Variants in POC1A observed in about 807,000 individuals in gnomAD.
POC1A encodes POC1 centriolar protein homolog A.
POC1A carries 34 observed loss-of-function variants against 47.8 expected under a neutral mutation model. The ratio of observed to expected loss-of-function variants is 0.71; its 90% confidence interval spans 0.54 to 0.95. POC1A has a LOEUF of 0.95. POC1A is among the 40% of genes least tolerant of loss of function. POC1A has a pLI of 0.00. For synonymous variants in POC1A, 177 were observed against 207.6 expected (o/e 0.85, Z 1.27); for missense variants, 466 against 528.3 (o/e 0.88, Z 1.16).
intron 9 of POC1A, among the ~76,000 whole-genome samples, chr3:52,106,730 C>T (rs970820545): frequency 6.6e-6 from 1 of 152,174 alleles, no homozygotes; most frequent in African/African-American, 2.4e-5. Flanking sequence ...GCTCGCAGGC[C>T]TTGGGCATGT....
chr3:52,147,064 C>T lies in POC1A; in HGVS notation c.487G>A (p.Ala163Thr), dbSNP rs1237233163. 1 of 1,614,010 alleles carries T rather than the reference C, an allele frequency of 6.2e-7. No homozygotes were observed. Among genetic ancestry groups the T allele is most frequent in the East Asian group, 2.2e-5 (1 of 44,894 alleles). Residue 163 changes from alanine (A) to threonine (T), a missense_variant, in exon 5 of 11, where the codon GCC (alanine) becomes ACC (threonine). By Grantham distance (58) the Ala-to-Thr change is moderately conservative. Coordinates refer to ENST00000296484, the MANE Select transcript of POC1A (RefSeq NM_015426.5). ...FSPDGRLIVS[A>T]SDDKTVKLWD... ...AGCTTAACAGTCTTGTCATCACTGG[C>T]AGACACGATGAGCCGCCCGTCGGGG...
chr3:52,110,457 C>T (rs966353777), intron 9 of POC1A, among the ~76,000 whole-genome samples: 55 of 152,188 alleles, frequency 3.6e-4, no homozygotes, highest in African/African-American at 1.3e-3. Flanking sequence ...CTACCTGTGG[C>T]TCATTTATTT....
intron 9 of POC1A, among the ~76,000 whole-genome samples, chr3:52,102,197 T>C (rs1703028283): frequency 1.3e-5 from 2 of 152,224 alleles, no homozygotes; most frequent in South Asian, 4.1e-4. Flanking sequence ...TTCTTGGCCA[T>C]TATCTTTTCA....
chr3:52,092,804 C>A (rs1045610780), intron 10 of POC1A, among the ~76,000 whole-genome samples: 4 of 152,208 alleles, frequency 2.6e-5, no homozygotes, highest in Non-Finnish European at 5.9e-5. Context: ...AAAACACCAA[C>A]CCCATTTCTG....
intron 1 of POC1A, among the ~76,000 whole-genome samples, chr3:52,152,738 C>T (rs1257857554): frequency 1.3e-5 from 2 of 152,154 alleles, no homozygotes; most frequent in Non-Finnish European, 2.9e-5. Context: ...TCCTTAATAG[C>T]CAACAAGTGA....
At chr3:52,147,730 C>T (rs1229985681) in intron 4 of POC1A, among the ~76,000 whole-genome samples, 1 of 152,192 alleles carries the variant, frequency 6.6e-6, no homozygotes, top group East Asian at 1.9e-4. Context: ...AGACATGCAC[C>T]TTCAAGCTCG....
intron 7 of POC1A, among the ~76,000 whole-genome samples, chr3:52,132,947 G>A (rs1704288255): frequency 6.6e-6 from 1 of 152,062 alleles, no homozygotes; most frequent in South Asian, 2.1e-4. Context: ...TCGGGAGGCT[G>A]AGGTGGGAGG....
intron 8 of POC1A, among the ~76,000 whole-genome samples, chr3:52,123,962 G>A (rs547428898): frequency 5.3e-5 from 8 of 152,348 alleles, no homozygotes; most frequent in Non-Finnish European, 8.8e-5. Flanking sequence ...GTCTGCTAGA[G>A]CAGGACTGGT....
chr3:52,150,085 A>C (rs1577929477), intron 2 of POC1A, 98 bp from the exon 3 acceptor site: 3 of 955,124 alleles, frequency 3.1e-6, no homozygotes, highest in Non-Finnish European at 4.7e-6. Flanking sequence ...GCCCAGCTCC[A>C]TCTTCCCTGG....
chr3:52,105,339 A>T (rs1024872814), intron 9 of POC1A, among the ~76,000 whole-genome samples: 19 of 152,272 alleles, frequency 1.2e-4, no homozygotes, highest in African/African-American at 4.6e-4. Context: ...TTCACTGTAC[A>T]GCCTGCTAAC....
At chr3:52,134,369 G>A (rs1340627530) in intron 7 of POC1A, among the ~76,000 whole-genome samples, 6 of 152,188 alleles carry the variant, frequency 3.9e-5, no homozygotes, top group South Asian at 2.1e-4. Context: ...CAGTGGCTCA[G>A]GCCTCTAATT....
rs568773325 is a variant in POC1A, at chr3:52,115,023, C to T, written c.981+7356G>A. ...CAGAGATGCCCTGAGCCCAAGGGCA[C>T]GGGCAGCTTGAGGCGTCGGGGGTTT... On this transcript the variant is annotated intron_variant, in intron 9 of 10. Transcript: ENST00000296484. Among the ~76,000 whole-genome samples, 6 of 152,312 alleles carry T rather than the reference C, an allele frequency of 3.9e-5. No homozygotes were observed. The East Asian group carries it at 5.8e-4, about 15-fold the overall frequency.
At chr3:52,076,957 GAT>G (rs1702133639) in intron 10 of POC1A, among the ~76,000 whole-genome samples, 1 of 152,290 alleles carries the variant, frequency 6.6e-6, no homozygotes, top group East Asian at 1.9e-4. Flanking sequence ...TCTGGCTTTG[GAT>G]AGAGTGTCAG....
chr3:52,093,917 T>G (rs914431768), intron 10 of POC1A, among the ~76,000 whole-genome samples: 21 of 152,254 alleles, frequency 1.4e-4, no homozygotes, highest in African/African-American at 4.8e-4. Context: ...TGAAATAGGG[T>G]GTCCTACCCA....
At chr3:52,143,643 T>A (rs1698270427) in intron 6 of POC1A, among the ~76,000 whole-genome samples, 1 of 152,144 alleles carries the variant, frequency 6.6e-6, no homozygotes, top group Admixed American at 6.5e-5. Flanking sequence ...GGTCAGCTTC[T>A]CTGCTTCTAC....
chr3:52,145,181 G>T (rs566432961), intron 6 of POC1A, among the ~76,000 whole-genome samples: 3 of 152,280 alleles, frequency 2.0e-5, no homozygotes, highest in African/African-American at 7.2e-5. Context: ...TCTCAGGCCA[G>T]TTCCCTACCC....
rs991940947 is a variant in POC1A at position 52,149,141 on chromosome 3, T to C, written c.455+69A>G. On this transcript the variant is annotated intron_variant, in intron 4 of 10. Coordinates refer to ENST00000296484, the MANE Select transcript of POC1A (RefSeq NM_015426.5). Reference sequence around the variant, plus strand: ...TTGCCCGAGGTCATAAGTTGGTACCTAGCAGCCCCTGGGCCAGCCCCCAAC... The same window carrying C: ...TTGCCCGAGGTCATAAGTTGGTACCCAGCAGCCCCTGGGCCAGCCCCCAAC... The C allele has an allele frequency of 5.0e-6, 7 of 1,408,666 alleles. No individual in the cohort carries two copies. The African/African-American group carries it at 9.9e-5, about 20-fold the overall frequency. The allele number at this position is 1,408,666 out of a possible 1,614,324, so 87.3% of individuals were successfully genotyped here.
At chr3:52,111,604 C>T (rs1703384795) in intron 9 of POC1A, among the ~76,000 whole-genome samples, 1 of 146,454 alleles carries the variant, frequency 6.8e-6, no homozygotes, top group Admixed American at 6.9e-5. Flanking sequence ...CGAGATCGCG[C>T]TATTGCATTC....
intron 10 of POC1A, among the ~76,000 whole-genome samples, chr3:52,078,262 C>A (rs766491598): frequency 2.6e-5 from 4 of 152,012 alleles, no homozygotes; most frequent in African/African-American, 4.8e-5. Context: ...TCCCAGCACA[C>A]GTGATCCCAG....
Sources: gnomAD v4.1 joint callset for allele counts (sites outside exome capture counted in the v4.1 genomes callset) on GRCh38, gnomAD v4.1.1 for gene constraint, MANE v1.5 for transcripts, NCBI Gene and HGNC (gene_info 2026-07-23, HGNC 2026-07-21) for gene names.